The following ZFPM2 variants were observed in gnomAD, a reference collection of about 807,000 sequenced individuals.
ZFPM2 encodes the protein zinc finger protein, FOG family member 2.
In ZFPM2, 20 loss-of-function variants were observed where a neutral mutation model predicts 98.6. The observed-to-expected ratio is 0.20, with a 90% confidence interval of 0.14 to 0.29. The LOEUF (loss-of-function observed/expected upper bound fraction) is 0.29. Among genes scored for constraint, ZFPM2 ranks in the 10% least tolerant of loss-of-function variants. The probability of loss-of-function intolerance (pLI) is 1.00; values close to 1 mark genes in which losing one functional copy is unlikely to be tolerated. For synonymous variants in ZFPM2, 518 were observed against 502.7 expected, an observed-to-expected ratio of 1.03 and a Z score of -0.41; for missense variants, 1,310 against 1,388.6, an observed-to-expected ratio of 0.94 and a Z score of 0.90.
intron 4 of ZFPM2, among the ~76,000 whole-genome samples, chr8:105,618,859 AG>A (rs1291806230): frequency 1.3e-5 from 2 of 152,282 alleles, no homozygotes; most frequent in East Asian, 3.9e-4. Context: ...TTAATGAATA[AG>A]GCATGCTGAG....
intron 3 of ZFPM2, among the ~76,000 whole-genome samples, chr8:105,530,329 AC>A (rs1193118267): frequency 6.6e-6 from 1 of 152,050 alleles, no homozygotes; most frequent in East Asian, 1.9e-4. Context: ...TCTGTCACAT[AC>A]TTTTGTTCTG....
At chr8:105,656,490 A>C (rs555470340) in intron 5 of ZFPM2, among the ~76,000 whole-genome samples, 1 of 152,242 alleles carries the variant, frequency 6.6e-6, no homozygotes, top group South Asian at 2.1e-4. Context: ...CCCACCAACC[A>C]CATCAGTATT....
intron 5 of ZFPM2, among the ~76,000 whole-genome samples, chr8:105,783,048 C>T (rs1813297859): frequency 6.6e-6 from 1 of 152,004 alleles, no homozygotes; most frequent in Admixed American, 6.6e-5. Flanking sequence ...CACAGGTCTC[C>T]CGAGTTCATT....
Position 105,788,829 on chromosome 8 carries a change from C to T in ZFPM2, c.644C>T (p.Thr215Ile), listed in dbSNP as rs1388654867. Residue 215 changes from threonine (T) to isoleucine (I), a missense_variant, in exon 6 of 8, where the codon ACA becomes ATA. Physicochemically the swap from Thr to Ile is moderately conservative, Grantham distance 89 (BLOSUM62 -1). Coordinates refer to ENST00000407775, the MANE Select transcript of ZFPM2 (RefSeq NM_012082.4). ...RLQAASQMTL[T>I]EGMYPARLLD... ...CAAGCTGCCAGTCAGATGACTCTCA[C>T]AGAAGGGATGTACCCTGCACGCCTG... 1 of 1,613,858 alleles carries T rather than the reference C, an allele frequency of 6.2e-7. No individual in the cohort carries two copies. The highest frequency in any genetic ancestry group is 8.5e-7 in the Non-Finnish European group (1 of 1,179,888).
intron 6 of ZFPM2, among the ~76,000 whole-genome samples, chr8:105,796,090 T>TTCAA (rs1442660157): frequency 1.3e-5 from 2 of 152,228 alleles, no homozygotes; most frequent in South Asian, 2.1e-4. Flanking sequence ...TTACTGTGCA[T>TTCAA]TCAATCAATG....
intron 4 of ZFPM2, among the ~76,000 whole-genome samples, chr8:105,574,494 G>A (rs1029451855): frequency 1.3e-5 from 2 of 152,110 alleles, no homozygotes; most frequent in African/African-American, 4.8e-5. Context: ...TCACTTTTGA[G>A]TTAGGTTTGT....
At chr8:105,754,984 G>GCA in intron 5 of ZFPM2, among the ~76,000 whole-genome samples, 1 of 150,004 alleles carries the variant, frequency 6.7e-6, no homozygotes, top group East Asian at 2.0e-4. Context: ...GTGTGTGTGT[G>GCA]CACGTGCGCA....
chr8:105,368,895 G>A (rs754338061), intron 1 of ZFPM2, among the ~76,000 whole-genome samples: 1 of 152,122 alleles, frequency 6.6e-6, no homozygotes, highest in Admixed American at 6.6e-5. Context: ...TTAGCTTGAG[G>A]TGATGTGCAA....
At chr8:105,736,766 T>C (rs896076934) in intron 5 of ZFPM2, among the ~76,000 whole-genome samples, 9 of 152,022 alleles carry the variant, frequency 5.9e-5, no homozygotes, top group Non-Finnish European at 8.8e-5. Flanking sequence ...TTTCACTAAC[T>C]GAATATTCGA....
intron 3 of ZFPM2, among the ~76,000 whole-genome samples, chr8:105,549,591 C>T (rs1288264966): frequency 7.1e-6 from 1 of 140,952 alleles, no homozygotes; most frequent in African/African-American, 2.7e-5. Context: ...TCCTTCTTTC[C>T]TTCCTCTATC....
chr8:105,480,949 A>G (rs997634437), intron 3 of ZFPM2, among the ~76,000 whole-genome samples: 21 of 152,004 alleles, frequency 1.4e-4, no homozygotes, highest in Non-Finnish European at 2.5e-4. Flanking sequence ...ACGGGGTTTC[A>G]CTGTGTTAGC....
intron 5 of ZFPM2, among the ~76,000 whole-genome samples, chr8:105,774,866 C>T (rs545710004): frequency 6.6e-6 from 1 of 152,046 alleles, no homozygotes; most frequent in Admixed American, 6.5e-5. Context: ...TAAAATCCAG[C>T]TTTTGGGAGG....
intron 5 of ZFPM2, among the ~76,000 whole-genome samples, chr8:105,776,715 G>T (rs1206445463): frequency 6.6e-6 from 1 of 152,042 alleles, no homozygotes. Context: ...AGTTATTTTT[G>T]TTTGTAGCTA....
chr8:105,491,130 A>G (rs770680714), intron 3 of ZFPM2, among the ~76,000 whole-genome samples: 3 of 152,114 alleles, frequency 2.0e-5, no homozygotes, highest in Non-Finnish European at 4.4e-5. Context: ...ATTGCCTGCA[A>G]TTTGAAATTC....
intron 5 of ZFPM2, among the ~76,000 whole-genome samples, chr8:105,650,255 A>T (rs1326963458): frequency 6.6e-6 from 1 of 151,380 alleles, no homozygotes; most frequent in Admixed American, 6.6e-5. Flanking sequence ...TGTCTATTTG[A>T]TTCTTCTCTC....
At chr8:105,727,822 A>G (rs1380201317) in intron 5 of ZFPM2, among the ~76,000 whole-genome samples, 1 of 151,732 alleles carries the variant, frequency 6.6e-6, no homozygotes, top group Non-Finnish European at 1.5e-5. Context: ...AGATTTGCAG[A>G]AAAGTATCAT....
intron 3 of ZFPM2, among the ~76,000 whole-genome samples, chr8:105,492,562 T>C (rs1813377919): frequency 1.3e-5 from 2 of 152,104 alleles, no homozygotes; most frequent in Admixed American, 1.3e-4. Context: ...CAACAAAGTG[T>C]CAAGTACAAC....
chr8:105,473,715 A>C (rs1232781835), intron 3 of ZFPM2, among the ~76,000 whole-genome samples: 1 of 152,224 alleles, frequency 6.6e-6, no homozygotes, highest in African/African-American at 2.4e-5. Context: ...TCCCACTTCC[A>C]AAGCCTTCAG....
chr8:105,688,033 A>C (rs1372056630), intron 5 of ZFPM2, among the ~76,000 whole-genome samples: 1 of 152,160 alleles, frequency 6.6e-6, no homozygotes, highest in Non-Finnish European at 1.5e-5. Context: ...GGTGAAAAAG[A>C]AACACTAGAA....
Sources: allele counts gnomAD v4.1 joint callset (sites outside exome capture counted in the v4.1 genomes callset), GRCh38; gene constraint gnomAD v4.1.1; transcripts MANE v1.5; gene names NCBI Gene and HGNC (gene_info 2026-07-23, HGNC 2026-07-21).